The following COMMD1 variants were observed in gnomAD, a reference collection of about 807,000 sequenced individuals.
COMMD1 encodes copper metabolism domain containing 1, also known as COMM domain-containing protein 1.
Under a neutral mutation model 17.2 loss-of-function variants are expected in COMMD1, and 10 were observed. The observed-to-expected ratio is 0.58, with a 90% CI of 0.36 to 0.99. The LOEUF (loss-of-function observed/expected upper bound fraction) is 0.99, where lower values mean the gene tolerates loss of function less well. COMMD1 is among the 50% of genes least tolerant of loss of function. COMMD1 has a pLI of 0.01. For missense variants in COMMD1, 270 were observed against 231.8 expected (o/e 1.17, Z -1.07); for synonymous variants, 97 against 91.6 (o/e 1.06, Z -0.34).
chr2:61,956,736 G>T (rs1484837796), intron 1 of COMMD1, among the ~76,000 whole-genome samples: 1 of 150,172 alleles, frequency 6.7e-6, no homozygotes, highest in South Asian at 2.1e-4. Flanking sequence ...GAAAGAAAGC[G>T]CATAGTTTTT....
At chr2:61,982,590 C>T (rs533995390) in intron 1 of COMMD1, among the ~76,000 whole-genome samples, 2 of 152,212 alleles carry the variant, frequency 1.3e-5, no homozygotes, top group South Asian at 2.1e-4. Flanking sequence ...TTTAGTTTTC[C>T]TCTATTCAGT....
chr2:62,037,359 C>T (rs936500582), intron 2 of COMMD1, among the ~76,000 whole-genome samples: 4 of 152,122 alleles, frequency 2.6e-5, no homozygotes, highest in African/African-American at 9.7e-5. Context: ...TACACCCTGC[C>T]CAGCTCCTTC....
At position 61,896,917 on chromosome 2, in the gene COMMD1, C is replaced by T. The variant is rs187947644; in HGVS notation, n.119+8075C>T. 7.3e-4 allele frequency among the ~76,000 whole-genome samples: 110 copies of T among 151,564 alleles called. 1 individual carries two copies. Among genetic ancestry groups the T allele is most frequent in the African/African-American group, 2.6e-3 (107 of 41,264 alleles). ...TGATCTCGGCTCACTGCAACCTCCG[C>T]CTCCCAGGTTCAAGTGATTCTCATG... On this transcript the variant is annotated intron_variant and non_coding_transcript_variant, in intron 1 of 2. Transcript: ENST00000472729.
At chr2:62,083,810 C>G (rs1403012022) in intron 2 of COMMD1, among the ~76,000 whole-genome samples, 2 of 152,160 alleles carry the variant, frequency 1.3e-5, no homozygotes, top group Admixed American at 6.5e-5. Flanking sequence ...TATAAGGGAT[C>G]CAACATCTGA....
intron 2 of COMMD1, among the ~76,000 whole-genome samples, chr2:62,070,773 T>C (rs1671179561): frequency 6.6e-6 from 1 of 152,226 alleles, no homozygotes; most frequent in East Asian, 1.9e-4. Flanking sequence ...CTCACGCCTA[T>C]AATCCCAGCA....
chr2:61,953,186 T>A (rs1037269452), intron 1 of COMMD1, among the ~76,000 whole-genome samples: 19 of 150,822 alleles, frequency 1.3e-4, no homozygotes, highest in African/African-American at 4.4e-4. Flanking sequence ...AGTTTTGTAT[T>A]TTTAGTGGTG....
chr2:62,089,221 C>T (rs1671755218), intron 2 of COMMD1, among the ~76,000 whole-genome samples: 1 of 151,466 alleles, frequency 6.6e-6, no homozygotes, highest in East Asian at 1.9e-4. Flanking sequence ...TTTACAGATG[C>T]AGATTTTCCC....
intron 1 of COMMD1, among the ~76,000 whole-genome samples, chr2:61,973,337 T>G (rs945533540): frequency 6.6e-6 from 1 of 152,206 alleles, no homozygotes; most frequent in Non-Finnish European, 1.5e-5. Context: ...TGCCAAAATT[T>G]CATAGATAAT....
At chr2:62,044,512 ATGGT>A (rs1486438900) in intron 2 of COMMD1, among the ~76,000 whole-genome samples, 1 of 152,230 alleles carries the variant, frequency 6.6e-6, no homozygotes, top group African/African-American at 2.4e-5. Flanking sequence ...AGAATTTAGA[ATGGT>A]TGAAAATAGT....
At chr2:61,974,707 G>A (rs889732977) in intron 1 of COMMD1, among the ~76,000 whole-genome samples, 1 of 151,552 alleles carries the variant, frequency 6.6e-6, no homozygotes, top group South Asian at 2.1e-4. Flanking sequence ...TTTTAAATAG[G>A]ATATTTTTTA....
chr2:61,960,050 C>T (rs1487054119), intron 1 of COMMD1, among the ~76,000 whole-genome samples: 1 of 152,112 alleles, frequency 6.6e-6, no homozygotes, highest in Non-Finnish European at 1.5e-5. Context: ...GGACTATGGA[C>T]TGGGGCTTGT....
At chr2:62,046,688 A>T (rs1394714565) in intron 2 of COMMD1, among the ~76,000 whole-genome samples, 1 of 152,244 alleles carries the variant, frequency 6.6e-6, no homozygotes, top group Non-Finnish European at 1.5e-5. Flanking sequence ...TGACAAGATG[A>T]TTCAGAGAAT....
chr2:62,048,184 T>TTC (rs1457631026), intron 2 of COMMD1, among the ~76,000 whole-genome samples: 3 of 141,278 alleles, frequency 2.1e-5, no homozygotes, highest in African/African-American at 7.7e-5. Context: ...CTAAATTTCT[T>TTC]TTTTTTTTTT....
chr2:61,925,954 T>C (rs1422080321), intron 1 of COMMD1, among the ~76,000 whole-genome samples: 1 of 151,848 alleles, frequency 6.6e-6, no homozygotes, highest in East Asian at 1.9e-4. Flanking sequence ...GTGTTTTTTT[T>C]TTGTTTTTTG....
At chr2:62,091,900 G>A (rs577806175) in intron 2 of COMMD1, among the ~76,000 whole-genome samples, 7 of 152,320 alleles carry the variant, frequency 4.6e-5, no homozygotes, top group Non-Finnish European at 7.4e-5. Context: ...TTCCTGCAGG[G>A]CATCATATTT....
chr2:62,099,524 G>A (rs892958670), intron 2 of COMMD1, among the ~76,000 whole-genome samples: 5 of 151,642 alleles, frequency 3.3e-5, no homozygotes, highest in African/African-American at 9.7e-5. Context: ...ACTGGGGACC[G>A]CTCTCCTTGC....
chr2:61,977,206 T>C (rs537289577), intron 1 of COMMD1, among the ~76,000 whole-genome samples: 1 of 151,726 alleles, frequency 6.6e-6, no homozygotes, highest in East Asian at 1.9e-4. Flanking sequence ...TCAATTTTGT[T>C]ATGAATCTAA....
chr2:61,994,234 A>T (rs754939287), intron 1 of COMMD1, among the ~76,000 whole-genome samples: 1 of 151,988 alleles, frequency 6.6e-6, no homozygotes, highest in Non-Finnish European at 1.5e-5. Context: ...TGACCTGCCC[A>T]CCTCAGCCTC....
intron 2 of COMMD1, among the ~76,000 whole-genome samples, chr2:62,123,860 G>A (rs537787289): frequency 6.6e-5 from 10 of 152,028 alleles, no homozygotes; most frequent in Non-Finnish European, 1.2e-4. Flanking sequence ...CCTCTCCTGG[G>A]AGTATTTATG....
Sources: gnomAD v4.1 joint callset for allele counts (sites outside exome capture counted in the v4.1 genomes callset) on GRCh38, gnomAD v4.1.1 for gene constraint, MANE v1.5 for transcripts, NCBI Gene and HGNC (gene_info 2026-07-23, HGNC 2026-07-21) for gene names.